SBNO1: variants seen among roughly 807,000 people sequenced by gnomAD.
SBNO1 encodes protein strawberry notch homolog 1.
SBNO1 carries 23 observed loss-of-function variants against 173.6 expected under a neutral mutation model. That is an observed-to-expected ratio of 0.13 (90% CI 0.10 to 0.19). SBNO1 has a LOEUF of 0.19. SBNO1 is among the 10% of genes least tolerant of loss of function. The pLI is 1.00. For missense variants in SBNO1, 1,238 were observed against 1,671.2 expected, an observed-to-expected ratio of 0.74 and a Z score of 4.52; for synonymous variants, 632 against 571.5, an observed-to-expected ratio of 1.11 and a Z score of -1.51.
rs753626512 is a variant in SBNO1, at chr12:123,328,721, C to T, written c.1296+13G>A. The T allele has an allele frequency of 1.3e-6, 2 of 1,495,298 alleles. No individual in the cohort carries two copies. Among genetic ancestry groups the T allele is most frequent in the Non-Finnish European group, 1.8e-6 (2 of 1,113,688 alleles). The allele number at this position is 1,495,298 out of a possible 1,614,324, so 92.6% of individuals were successfully genotyped here. ...TCGTTAAAAAATAGAAAAATATTTG[C>T]CATAAAGGATACCACTCCATCGAAG... On this transcript the variant is annotated intron_variant, in intron 10 of 31. Coordinates refer to ENST00000602398, the MANE Select transcript of SBNO1 (RefSeq NM_001167856.3).
At chr12:123,331,523 G>T (rs558412378) in intron 7 of SBNO1, 148 bp from the exon 8 acceptor site, 65 of 812,658 alleles carry the variant, frequency 8.0e-5, no homozygotes, top group Non-Finnish European at 1.1e-4. Flanking sequence ...ATTTCATAGA[G>T]TTTTGGATTT....
chr12:123,325,357 C>T, intron 15 of SBNO1, 145 bp downstream of exon 15: 1 of 611,578 alleles, frequency 1.6e-6, no homozygotes, highest in Non-Finnish European at 2.9e-6. Context: ...TACACTGTTA[C>T]AGAAAAGCAG....
chr12:123,304,374 A>G (rs1425383764), intron 29 of SBNO1: 1 of 383,572 alleles, frequency 2.6e-6, no homozygotes, highest in Admixed American at 4.3e-5. Context: ...GGCTGGAATT[A>G]CAGGTATGCA....
At chr12:123,310,995 C>G in intron 25 of SBNO1, 60 bp downstream of exon 25, 1 of 1,242,632 alleles carries the variant, frequency 8.0e-7, no homozygotes, top group Non-Finnish European at 1.2e-6. Context: ...AAGCATATAT[C>G]ATAATGGACT....
In SBNO1 at chr12:123,340,867, G is replaced by A. The variant is rs73408334; in HGVS notation, c.651+121C>T. ...TTTAAGCATATCCATTAGTTCCCAC[G>A]CCTGTATAGCTTCTTCCCAACCCAA... On this transcript the variant is annotated intron_variant, in intron 5 of 31. Transcript: ENST00000602398. The A allele has an allele frequency of 7.4e-3, 4,880 of 657,942 alleles. 155 individuals are homozygous for A. The African/African-American group carries it at 0.075, about 10-fold the overall frequency. The allele number at this position is 657,942 out of a possible 1,614,324, so 40.8% of individuals were successfully genotyped here.
chr12:123,337,308 A>G (rs1871968980), intron 5 of SBNO1, among the ~76,000 whole-genome samples: 1 of 152,196 alleles, frequency 6.6e-6, no homozygotes, highest in Non-Finnish European at 1.5e-5. Flanking sequence ...ATCCGGAATA[A>G]GCCACTTTTC....
rs1297683499 is a variant in SBNO1, at chr12:123,291,861, A to G, written c.*4047T>C. ...TTTCTCTATATATACATTTATGTAC[A>G]TATATATAAATACAGCACAAAATTA... On this transcript the variant is annotated 3_prime_UTR_variant, in exon 32 of 32. Coordinates refer to ENST00000602398, the MANE Select transcript of SBNO1 (RefSeq NM_001167856.3). The G allele has an allele frequency of 2.0e-5, 3 of 152,060 alleles. No homozygotes were observed. The highest frequency in any genetic ancestry group is 2.0e-4 in the Admixed American group (3 of 15,252). 9.4% of individuals were successfully genotyped at this position (152,060 alleles called of 1,614,324 possible). A position where few individuals can be genotyped will look rare whatever the true frequency, so the allele number is the denominator to read the frequency against.
In SBNO1 at chr12:123,294,675, G is replaced by GAAAGAA. The variant is rs1291396247; in HGVS notation, c.*1227_*1232dup. The GAAAGAA allele has an allele frequency of 7.9e-5, 7 of 88,480 alleles. No homozygotes were observed. The highest frequency in any genetic ancestry group is 2.7e-4 in the African/African-American group (6 of 21,988). The allele number at this position is 88,480 out of a possible 1,614,324, so 5.5% of individuals were successfully genotyped here. A position where few individuals can be genotyped will look rare whatever the true frequency, so the allele number is the denominator to read the frequency against. ...AAAAAAAAAAAAGAAAAAAAGAAAA[G>GAAAGAA]AAAGAAAAAGAAAGAAAAGATAAAA... On this transcript the variant is annotated 3_prime_UTR_variant, in exon 32 of 32. Coordinates refer to ENST00000602398, the MANE Select transcript of SBNO1 (RefSeq NM_001167856.3).
At chr12:123,321,846 T>C (rs1030466674) in intron 16 of SBNO1, 114 bp from the exon 17 acceptor site, 3 of 854,858 alleles carry the variant, frequency 3.5e-6, no homozygotes, top group African/African-American at 3.4e-5. Context: ...GAAAAGTATT[T>C]AGGTTAAGTC....
intron 1 of SBNO1, chr12:123,363,937 A>G (rs1266940619): frequency 1.0e-6 from 1 of 985,322 alleles, no homozygotes; most frequent in African/African-American, 1.7e-5. Flanking sequence ...ACCCCAAACC[A>G]CTTCTGGGAA....
intron 4 of SBNO1, among the ~76,000 whole-genome samples, chr12:123,343,170 T>C (rs969496681): frequency 6.6e-6 from 1 of 151,846 alleles, no homozygotes; most frequent in Non-Finnish European, 1.5e-5. Flanking sequence ...GTGGCAGGGG[T>C]TGCAGGAAGC....
rs369519011 is a variant in SBNO1, at chr12:123,364,096, G to A, written c.-1+605C>T. 2.3e-4 allele frequency: 230 copies of A among 985,534 alleles called. 6 individuals carry two copies. The South Asian group carries it at 9.7e-3, about 42-fold the overall frequency. The allele number at this position is 985,534 out of a possible 1,614,324, so 61.0% of individuals were successfully genotyped here. On this transcript the variant is annotated intron_variant, in intron 1 of 31. Coordinates refer to ENST00000602398, the MANE Select transcript of SBNO1 (RefSeq NM_001167856.3). ...CGCCCGCCGAGGCAGAACTAAGCGAGTCGCCTGGAGAGGCGTGAAGGGAGC... is the reference window on the plus strand; with the variant it reads ...CGCCCGCCGAGGCAGAACTAAGCGAATCGCCTGGAGAGGCGTGAAGGGAGC...
At chr12:123,349,303 C>T (rs755210554) in intron 2 of SBNO1, among the ~76,000 whole-genome samples, 1 of 151,942 alleles carries the variant, frequency 6.6e-6, no homozygotes, top group African/African-American at 2.4e-5. Flanking sequence ...GGTCTTGCTA[C>T]GTTGCCCAGG....
intron 5 of SBNO1, among the ~76,000 whole-genome samples, chr12:123,339,409 T>G (rs1872265940): frequency 6.6e-6 from 1 of 151,978 alleles, no homozygotes; most frequent in Non-Finnish European, 1.5e-5. Flanking sequence ...TCCCTACCCC[T>G]TTACTCAGTC....
Position 123,289,736 on chromosome 12 carries a change from C to T in SBNO1, c.*6172G>A, listed in dbSNP as rs1373678901. 6.6e-6 allele frequency: 1 copy of T among 152,194 alleles called. No homozygotes were observed. Among genetic ancestry groups the T allele is most frequent in the Non-Finnish European group, 1.5e-5 (1 of 68,044 alleles). 9.4% of individuals were successfully genotyped at this position (152,194 alleles called of 1,614,324 possible). On this transcript the variant is annotated 3_prime_UTR_variant, in exon 32 of 32. Coordinates refer to ENST00000602398, the MANE Select transcript of SBNO1 (RefSeq NM_001167856.3). ...CAGTAGTTTGCAAATTCAGTATAAA[C>T]CATGAACAGGATATTTTTCTGATAG...
At chr12:123,349,663 C>T (rs752946858) in intron 2 of SBNO1, among the ~76,000 whole-genome samples, 9 of 152,092 alleles carry the variant, frequency 5.9e-5, no homozygotes, top group Non-Finnish European at 1.3e-4. Flanking sequence ...ACGCCTATAA[C>T]CCCAGCACTT....
chr12:123,357,777 A>C (rs1010909486), intron 1 of SBNO1, among the ~76,000 whole-genome samples: 4 of 152,140 alleles, frequency 2.6e-5, no homozygotes, highest in African/African-American at 9.7e-5. Context: ...CAACAACAAC[A>C]AAGAATGCAA....
chr12:123,297,886 G>A (rs894135690), intron 31 of SBNO1, 92 bp downstream of exon 31: 14 of 1,111,446 alleles, frequency 1.3e-5, no homozygotes, highest in Admixed American at 1.0e-4. Context: ...GATGTTAGAT[G>A]CATGTGGAAT....
At chr12:123,334,484 G>A (rs758215108) in intron 6 of SBNO1, among the ~76,000 whole-genome samples, 4 of 152,150 alleles carry the variant, frequency 2.6e-5, no homozygotes, top group Admixed American at 6.5e-5. Flanking sequence ...AAGGTGGAGG[G>A]ATCACTTGAG....
Sources: allele counts gnomAD v4.1 joint callset (sites outside exome capture counted in the v4.1 genomes callset), GRCh38; gene constraint gnomAD v4.1.1; transcripts MANE v1.5; gene names NCBI Gene and HGNC (gene_info 2026-07-23, HGNC 2026-07-21).